Variants in C12orf42 observed in about 807,000 individuals in gnomAD.
C12orf42 encodes uncharacterized protein C12orf42.
In C12orf42, 25 loss-of-function variants were observed where a neutral mutation model predicts 21.6. That is an observed-to-expected ratio of 1.16 (90% CI 0.84 to 1.62). The LOEUF (loss-of-function observed/expected upper bound fraction) is 1.62, where lower values mean the gene tolerates loss of function less well. Among genes scored for constraint, C12orf42 ranks in the 40% most tolerant of loss-of-function variants. C12orf42 has a pLI of 0.00. For missense variants in C12orf42, 483 were observed against 459.3 expected (o/e 1.05, Z -0.47); for synonymous variants, 174 against 175.0 (o/e 0.99, Z 0.05).
chr12:103,370,729 A>T (rs1045626648), intron 3 of C12orf42, among the ~76,000 whole-genome samples: 3 of 152,090 alleles, frequency 2.0e-5, no homozygotes, highest in Non-Finnish European at 1.5e-5. Flanking sequence ...GGCCTACTTG[A>T]GGGTGGAGTG....
At chr12:103,486,851 T>C (rs547380377) in intron 1 of C12orf42, among the ~76,000 whole-genome samples, 20 of 152,294 alleles carry the variant, frequency 1.3e-4, no homozygotes, top group Non-Finnish European at 2.4e-4. Flanking sequence ...TCTTCTCTCT[T>C]TTCTTATTAG....
the C12orf42 span, among the ~76,000 whole-genome samples, chr12:103,144,641 T>C: frequency 7.9e-5 from 12 of 152,310 alleles, no homozygotes; most frequent in East Asian, 2.1e-3. Context: ...AGCGTCCTTG[T>C]AAATGATGCT....
At chr12:103,339,768 G>C (rs777561560) in intron 4 of C12orf42, among the ~76,000 whole-genome samples, 1 of 152,088 alleles carries the variant, frequency 6.6e-6, no homozygotes, top group African/African-American at 2.4e-5. Context: ...ATACACTTTT[G>C]TTATATTTCA....
At chr12:103,163,130 G>C in the C12orf42 span, among the ~76,000 whole-genome samples, 1 of 152,266 alleles carries the variant, frequency 6.6e-6, no homozygotes, top group South Asian at 2.1e-4. Flanking sequence ...GCAACTAGGG[G>C]AAGAATTTTA....
chr12:103,427,113 A>T (rs772267433), intron 2 of C12orf42, among the ~76,000 whole-genome samples: 3 of 152,156 alleles, frequency 2.0e-5, no homozygotes, highest in Non-Finnish European at 4.4e-5. Context: ...TAAAAATATT[A>T]ACCTTAAATG....
chr12:103,139,684 C>G, the C12orf42 span, among the ~76,000 whole-genome samples: 1 of 152,114 alleles, frequency 6.6e-6, no homozygotes, highest in Admixed American at 6.5e-5. Flanking sequence ...GTCCAGAGAA[C>G]GCTGGAGATG....
At chr12:103,125,947 C>T in the C12orf42 span, among the ~76,000 whole-genome samples, 1 of 152,174 alleles carries the variant, frequency 6.6e-6, no homozygotes, top group Non-Finnish European at 1.5e-5. Context: ...GCAGCACCTT[C>T]GGATGTAAGT....
At chr12:103,436,284 G>C (rs1193754121) in intron 2 of C12orf42, among the ~76,000 whole-genome samples, 5 of 151,434 alleles carry the variant, frequency 3.3e-5, no homozygotes, top group Admixed American at 1.3e-4. Flanking sequence ...CCGGTACCAG[G>C]CGCTGCAAAA....
chr12:103,426,508 G>A (rs1168680010), intron 2 of C12orf42, among the ~76,000 whole-genome samples: 1 of 152,156 alleles, frequency 6.6e-6, no homozygotes, highest in Non-Finnish European at 1.5e-5. Context: ...AAGTGATGGG[G>A]GAGAATGGAA....
chr12:103,419,363 G>T (rs533093042), intron 2 of C12orf42, among the ~76,000 whole-genome samples: 7 of 152,288 alleles, frequency 4.6e-5, no homozygotes, highest in South Asian at 4.1e-4. Flanking sequence ...AGCCAAAAGT[G>T]GTCCAAGATA....
the C12orf42 span, among the ~76,000 whole-genome samples, chr12:103,099,450 G>C: frequency 3.9e-5 from 6 of 152,212 alleles, no homozygotes; most frequent in Non-Finnish European, 7.3e-5. Context: ...GTATTTACAA[G>C]AGCATACAGA....
intron 2 of C12orf42, among the ~76,000 whole-genome samples, chr12:103,420,157 T>G (rs955915718): frequency 6.6e-6 from 1 of 152,226 alleles, no homozygotes; most frequent in Non-Finnish European, 1.5e-5. Flanking sequence ...AACATATGTT[T>G]TTTCAATGTA....
the C12orf42 span, among the ~76,000 whole-genome samples, chr12:103,554,261 T>C: frequency 1.3e-5 from 2 of 151,932 alleles, no homozygotes; most frequent in African/African-American, 4.8e-5. Context: ...ATTTGGCCAA[T>C]ATAAATATAA....
At chr12:103,345,909 T>C (rs139698438) in intron 4 of C12orf42, among the ~76,000 whole-genome samples, 6 of 152,318 alleles carry the variant, frequency 3.9e-5, no homozygotes, top group East Asian at 1.9e-4. Context: ...ATAATAACTA[T>C]GTACATGGGG....
chr12:103,349,552 T>C (rs1293833450), intron 4 of C12orf42, among the ~76,000 whole-genome samples: 1 of 152,180 alleles, frequency 6.6e-6, no homozygotes, highest in Non-Finnish European at 1.5e-5. Flanking sequence ...GAGTCCTATA[T>C]TAACTTATCC....
the C12orf42 span, among the ~76,000 whole-genome samples, chr12:103,560,691 C>G: frequency 6.6e-6 from 1 of 152,172 alleles, no homozygotes; most frequent in South Asian, 2.1e-4. Context: ...TGGTTGAATA[C>G]AGGCCCTGGA....
chr12:103,192,746 C>T, the C12orf42 span, among the ~76,000 whole-genome samples: 36 of 152,116 alleles, frequency 2.4e-4, no homozygotes, highest in East Asian at 2.1e-3. Flanking sequence ...GTACGGAAAG[C>T]GAAGATTGAT....
intron 4 of C12orf42, among the ~76,000 whole-genome samples, chr12:103,327,234 C>G (rs1461773382): frequency 6.6e-6 from 1 of 152,070 alleles, no homozygotes; most frequent in Non-Finnish European, 1.5e-5. Context: ...CTTCAGTGAA[C>G]GAGAGTACAG....
intron 4 of C12orf42, among the ~76,000 whole-genome samples, chr12:103,287,025 A>G (rs2036511777): frequency 6.6e-6 from 1 of 152,128 alleles, no homozygotes; most frequent in African/African-American, 2.4e-5. Flanking sequence ...CACCAGTTAG[A>G]ATGGCGATCA....
Sources: gnomAD v4.1 joint callset for allele counts (sites outside exome capture counted in the v4.1 genomes callset) on GRCh38, gnomAD v4.1.1 for gene constraint, MANE v1.5 for transcripts, NCBI Gene and HGNC (gene_info 2026-07-23, HGNC 2026-07-21) for gene names.